PADI1: variants seen among roughly 807,000 people sequenced by gnomAD.
PADI1 encodes peptidyl arginine deiminase 1, also known as protein-arginine deiminase type-1.
In PADI1, 65 loss-of-function variants were observed where a neutral mutation model predicts 74.8. The observed-to-expected ratio is 0.87, with a 90% CI of 0.71 to 1.07. The LOEUF (loss-of-function observed/expected upper bound fraction) is 1.07. Among genes scored for constraint, PADI1 ranks in the 50% least tolerant of loss-of-function variants. The pLI is 0.00. For synonymous variants in PADI1, 371 were observed against 336.2 expected (o/e 1.10, Z -1.13); for missense variants, 943 against 854.0 (o/e 1.10, Z -1.30).
At chr1:17,235,167 G>GGGAA (rs1223404743) in intron 11 of PADI1, among the ~76,000 whole-genome samples, 3 of 139,562 alleles carry the variant, frequency 2.1e-5, no homozygotes, top group South Asian at 2.4e-4. Flanking sequence ...GAGGGAGGAA[G>GGGAA]GGAAGGAAGG....
rs749977632 is a variant in PADI1, at chr1:17,244,105, C to A, written c.1854C>A (p.Ser618=). Residue 618 remains serine (S), a synonymous_variant, in exon 16 of 16, where the codon TCC becomes TCA. Coordinates refer to ENST00000375471, the MANE Select transcript of PADI1 (RefSeq NM_013358.3). ...GCTGCCTGGAGGAGAAGGTGCAGTC[C>A]CTGCTGGAGCCTCTGGGCCTGCACT... ...GRCCLEEKVQ[S]LLEPLGLHCI... is the part of the protein sequence containing the mutation. The A allele has an allele frequency of 1.9e-6, 3 of 1,614,218 alleles. No individual in the cohort carries two copies. Among genetic ancestry groups the A allele is most frequent in the African/African-American group, 2.7e-5 (2 of 75,056 alleles).
chr1:17,231,937 GTGTT>G (rs67734137), intron 10 of PADI1, among the ~76,000 whole-genome samples: 45,288 of 150,776 alleles, frequency 0.3, 7,304 homozygotes, highest in African/African-American at 0.41. Flanking sequence ...AAAAAAACAC[GTGTT>G]TGTTTGTTTG....
chr1:17,242,687 T>C (rs2072802070), intron 15 of PADI1, among the ~76,000 whole-genome samples: 1 of 152,196 alleles, frequency 6.6e-6, no homozygotes, highest in African/African-American at 2.4e-5. Context: ...CCTTGGTTTG[T>C]CATATGGGGA....
At chr1:17,229,998 A>G in intron 8 of PADI1, 87 bp from the exon 9 acceptor site, 2 of 1,314,684 alleles carry the variant, frequency 1.5e-6, no homozygotes, top group Non-Finnish European at 2.1e-6. Context: ...CAGAGGCTGC[A>G]CAGGGCCCAG....
chr1:17,234,679 T>G (rs1427255935), intron 11 of PADI1, among the ~76,000 whole-genome samples: 1 of 152,200 alleles, frequency 6.6e-6, no homozygotes, highest in African/African-American at 2.4e-5. Context: ...CAGTAAATAT[T>G]TATGGAGACT....
At chr1:17,242,679 TTGGTTTG>T (rs2072801980) in intron 15 of PADI1, among the ~76,000 whole-genome samples, 1 of 152,198 alleles carries the variant, frequency 6.6e-6, no homozygotes, top group African/African-American at 2.4e-5. Flanking sequence ...AGTTAACCCC[TTGGTTTG>T]TCATATGGGG....
chr1:17,233,855 G>C (rs76935205), intron 11 of PADI1, among the ~76,000 whole-genome samples: 3,011 of 152,352 alleles, frequency 0.02, 101 homozygotes, highest in African/African-American at 0.069. Flanking sequence ...GATCGGATGA[G>C]GCGAGGCTTC....
chr1:17,234,545 T>C (rs1384370883), intron 11 of PADI1, among the ~76,000 whole-genome samples: 1 of 152,224 alleles, frequency 6.6e-6, no homozygotes, highest in Non-Finnish European at 1.5e-5. Context: ...CCAGGCTACC[T>C]CATTTAATTT....
At chr1:17,210,588 C>T (rs764989180) in intron 1 of PADI1, among the ~76,000 whole-genome samples, 9 of 151,990 alleles carry the variant, frequency 5.9e-5, no homozygotes, top group Admixed American at 1.3e-4. Context: ...GCTCTCTGGG[C>T]GTGCCCCTCC....
chr1:17,208,236 A>G (rs925549557), intron 1 of PADI1, among the ~76,000 whole-genome samples: 1 of 152,162 alleles, frequency 6.6e-6, no homozygotes, highest in African/African-American at 2.4e-5. Context: ...CATCACAGGA[A>G]GTGATTCATT....
rs780478966 is a variant in PADI1 at position 17,228,744 on chromosome 1, G to A, written c.772G>A (p.Asp258Asn). ...CTATGTGGAGGGGCTGACCTTCCCC[G>A]ATGCCGATTTCCTAGGGCTGGTTTC... ...KFYVEGLTFP[D>N]ADFLGLVSLS... Residue 258 changes from aspartate (D) to asparagine (N), a missense_variant, in exon 7 of 16, where the codon GAT becomes AAT. By Grantham distance (23) the Asp-to-Asn change is conservative. Coordinates refer to ENST00000375471, the MANE Select transcript of PADI1 (RefSeq NM_013358.3). 1.7e-4 allele frequency: 278 copies of A among 1,614,056 alleles called. No individual in the cohort carries two copies. The highest frequency in any genetic ancestry group is 4.2e-4 in the Admixed American group (25 of 60,008).
At chr1:17,205,528 G>C (rs1425171484) in intron 1 of PADI1, among the ~76,000 whole-genome samples, 1 of 152,108 alleles carries the variant, frequency 6.6e-6, no homozygotes, top group Non-Finnish European at 1.5e-5. Context: ...CAGGACATTG[G>C]CTTCAATCCC....
At chr1:17,227,247 A>G (rs1289347880) in intron 6 of PADI1, among the ~76,000 whole-genome samples, 2 of 149,866 alleles carry the variant, frequency 1.3e-5, no homozygotes, top group Admixed American at 6.7e-5. Flanking sequence ...AAAAAAAAAA[A>G]AAAGAAAAAG....
rs760809625 is a variant in PADI1 at position 17,239,828 on chromosome 1, C to T, written c.1632+45C>T. On this transcript the variant is annotated intron_variant, in intron 14 of 15. Transcript: ENST00000375471. Reference sequence around the variant, plus strand: ...GCTGCTCTAAGGGGTCCTTTCCCTTCCAGGGAGAAGAAGCCCCAGGAACTG... The same window carrying T: ...GCTGCTCTAAGGGGTCCTTTCCCTTTCAGGGAGAAGAAGCCCCAGGAACTG... The T allele has an allele frequency of 2.2e-5, 32 of 1,469,510 alleles. No homozygotes were observed. The South Asian group carries it at 3.7e-4, about 17-fold the overall frequency. The allele number at this position is 1,469,510 out of a possible 1,614,324, so 91.0% of individuals were successfully genotyped here.
chr1:17,232,986 G>C lies in PADI1; in HGVS notation c.1313+16G>C. The stretch of plus-strand genomic sequence containing the variant: ...GCTTCCCCAAGTGAGGGGCTGGGGC[G>C]GGAGGTGGGGAGGCACAAGGGAATG... On this transcript the variant is annotated intron_variant, in intron 11 of 15. Transcript: ENST00000375471. The C allele has an allele frequency of 3.2e-6, 5 of 1,581,794 alleles. No homozygotes were observed. The highest frequency in any genetic ancestry group is 4.3e-6 in the Non-Finnish European group (5 of 1,166,154).
chr1:17,220,598 T>C (rs953717569), intron 1 of PADI1, among the ~76,000 whole-genome samples: 15 of 151,998 alleles, frequency 9.9e-5, no homozygotes, highest in Non-Finnish European at 1.9e-4. Context: ...TGTAGTCAGG[T>C]GGATGTCTGT....
chr1:17,239,860 G>T (rs931095538), intron 14 of PADI1, 77 bp downstream of exon 14: 64 of 1,218,182 alleles, frequency 5.3e-5, no homozygotes, highest in East Asian at 1.0e-4. Context: ...ACTGGGTTGG[G>T]TCAGAGATTC....
intron 11 of PADI1, among the ~76,000 whole-genome samples, chr1:17,234,991 C>A (rs559621343): frequency 1.5e-4 from 23 of 152,060 alleles, no homozygotes; most frequent in African/African-American, 5.3e-4. Context: ...ATGGTGCACG[C>A]CCATGGTCCC....
intron 11 of PADI1, among the ~76,000 whole-genome samples, chr1:17,234,820 C>T (rs188929487): frequency 2.0e-5 from 3 of 152,248 alleles, no homozygotes; most frequent in South Asian, 2.1e-4. Context: ...TATCATCCCA[C>T]GTGCGTTGTC....
Sources: allele counts gnomAD v4.1 joint callset (sites outside exome capture counted in the v4.1 genomes callset), GRCh38; gene constraint gnomAD v4.1.1; transcripts MANE v1.5; gene names NCBI Gene and HGNC (gene_info 2026-07-23, HGNC 2026-07-21).